ASIC2: variants seen among roughly 807,000 people sequenced by gnomAD.
ASIC2 encodes acid-sensing ion channel 2.
Under a neutral mutation model 57.3 loss-of-function variants are expected in ASIC2, and 25 were observed. The ratio of observed to expected loss-of-function variants is 0.44; its 90% CI spans 0.32 to 0.61. The LOEUF (loss-of-function observed/expected upper bound fraction) is 0.61. Among genes scored for constraint, ASIC2 ranks in the 20% least tolerant of loss-of-function variants. The pLI, the probability that ASIC2 is intolerant of heterozygous loss-of-function variation, is 0.06. For synonymous variants in ASIC2, 319 were observed against 307.5 expected (o/e 1.04, Z -0.39); for missense variants, 641 against 738.1 (o/e 0.87, Z 1.52).
intron 3 of ASIC2, among the ~76,000 whole-genome samples, chr17:33,042,210 G>C (rs1422214149): frequency 1.3e-5 from 2 of 152,198 alleles, no homozygotes; most frequent in Non-Finnish European, 1.5e-5. Flanking sequence ...TCTCAGGGGA[G>C]ACATGTCCTT....
chr17:33,555,058 G>T (rs62057811), intron 1 of ASIC2, among the ~76,000 whole-genome samples: 30,052 of 152,064 alleles, frequency 0.2, 3,046 homozygotes, highest in South Asian at 0.33. Flanking sequence ...ATCCAGATCT[G>T]TCTGGCTCCA....
intron 1 of ASIC2, among the ~76,000 whole-genome samples, chr17:33,130,438 A>C (rs1201016047): frequency 2.0e-5 from 3 of 152,220 alleles, no homozygotes; most frequent in Non-Finnish European, 4.4e-5. Context: ...ATATGTTTAA[A>C]TATTTTTCAT....
At chr17:33,403,980 T>C (rs1177805571) in intron 1 of ASIC2, among the ~76,000 whole-genome samples, 1 of 152,230 alleles carries the variant, frequency 6.6e-6, no homozygotes, top group Non-Finnish European at 1.5e-5. Context: ...ATTTCTAGCT[T>C]AGTGCAATGC....
intron 1 of ASIC2, among the ~76,000 whole-genome samples, chr17:33,417,459 A>C (rs767088935): frequency 2.0e-5 from 3 of 152,200 alleles, no homozygotes; most frequent in Non-Finnish European, 2.9e-5. Context: ...TACCCGGGAA[A>C]CACACAGAAT....
chr17:33,268,187 A>T (rs990309060), intron 1 of ASIC2, among the ~76,000 whole-genome samples: 12 of 152,060 alleles, frequency 7.9e-5, no homozygotes, highest in African/African-American at 2.7e-4. Flanking sequence ...CTCATTTTCC[A>T]GCCTTTCTAT....
chr17:33,384,707 T>C (rs1300817331), intron 1 of ASIC2, among the ~76,000 whole-genome samples: 1 of 152,088 alleles, frequency 6.6e-6, no homozygotes, highest in African/African-American at 2.4e-5. Flanking sequence ...TGTGCTCAGA[T>C]AGAATTCTTT....
chr17:33,426,425 G>C (rs568768009), intron 1 of ASIC2, among the ~76,000 whole-genome samples: 4 of 152,310 alleles, frequency 2.6e-5, no homozygotes, highest in Non-Finnish European at 5.9e-5. Context: ...ATCCCTTTCT[G>C]GGGCTGAGGC....
At chr17:33,536,644 C>G (rs764759486) in intron 1 of ASIC2, among the ~76,000 whole-genome samples, 19 of 152,202 alleles carry the variant, frequency 1.2e-4, no homozygotes, top group Non-Finnish European at 2.6e-4. Context: ...AGGCTCCTAA[C>G]TGGTCTTCCT....
intron 1 of ASIC2, chr17:34,070,016 T>G (rs16969124): frequency 2.0e-5 from 3 of 151,998 alleles, no homozygotes; most frequent in Admixed American, 6.6e-5. Context: ...ATAGTAGGTA[T>G]ACTGGCTGAG....
chr17:33,437,291 A>T (rs1254509020), intron 1 of ASIC2, among the ~76,000 whole-genome samples: 1 of 152,186 alleles, frequency 6.6e-6, no homozygotes, highest in Non-Finnish European at 1.5e-5. Context: ...GGACCACAAC[A>T]TACCAACATT....
At chr17:33,453,031 G>T (rs1224787121) in intron 1 of ASIC2, among the ~76,000 whole-genome samples, 1 of 152,114 alleles carries the variant, frequency 6.6e-6, no homozygotes, top group African/African-American at 2.4e-5. Flanking sequence ...AATGTTGTTA[G>T]CACCCTTTCA....
chr17:33,604,897 T>C lies in ASIC2; in HGVS notation c.556-492830A>G, dbSNP rs186991363. 1.8e-4 allele frequency among the ~76,000 whole-genome samples: 28 copies of C among 152,250 alleles called. 1 individual carries two copies. The highest frequency in any genetic ancestry group is 8.8e-5 in the Non-Finnish European group (6 of 68,018). On this transcript the variant is annotated intron_variant, in intron 1 of 9. Coordinates refer to the ASIC2 transcript ENST00000359872. ...GGCTCAGAAGGAGGAATTAGGATGTTTCCAAAGTCACAAAGCTAGTTAGAA... is the reference window on the plus strand; with the variant it reads ...GGCTCAGAAGGAGGAATTAGGATGTCTCCAAAGTCACAAAGCTAGTTAGAA...
At chr17:33,668,184 T>C (rs1359313068) in intron 1 of ASIC2, among the ~76,000 whole-genome samples, 4 of 151,218 alleles carry the variant, frequency 2.6e-5, no homozygotes, top group African/African-American at 9.7e-5. Context: ...TCCCCCTGCC[T>C]GGAGAGAAGG....
intron 1 of ASIC2, among the ~76,000 whole-genome samples, chr17:33,571,614 T>C (rs1341920813): frequency 6.6e-6 from 1 of 152,220 alleles, no homozygotes; most frequent in African/African-American, 2.4e-5. Flanking sequence ...TGAAATGCTA[T>C]GAAGGTTGTG....
chr17:33,237,475 C>T (rs1316399294), intron 1 of ASIC2, among the ~76,000 whole-genome samples: 1 of 152,058 alleles, frequency 6.6e-6, no homozygotes, highest in Non-Finnish European at 1.5e-5. Context: ...CTCAGCTTCC[C>T]AAGTAGCTGG....
chr17:33,326,218 A>G (rs755419596), intron 1 of ASIC2, among the ~76,000 whole-genome samples: 4 of 152,202 alleles, frequency 2.6e-5, no homozygotes, highest in Non-Finnish European at 5.9e-5. Context: ...GTAAAACCCT[A>G]TGAGGTAAAC....
chr17:33,242,935 T>G (rs1232105213), intron 1 of ASIC2, among the ~76,000 whole-genome samples: 1 of 152,172 alleles, frequency 6.6e-6, no homozygotes, highest in Non-Finnish European at 1.5e-5. Flanking sequence ...ACACCCTCAC[T>G]CCTGCACACC....
At chr17:33,203,510 C>T (rs1006633234) in intron 1 of ASIC2, among the ~76,000 whole-genome samples, 2 of 152,210 alleles carry the variant, frequency 1.3e-5, no homozygotes, top group African/African-American at 4.8e-5. Flanking sequence ...AGGGAACTTC[C>T]TCCAGCACTT....
At chr17:33,657,404 G>T (rs1476703563) in intron 1 of ASIC2, among the ~76,000 whole-genome samples, 1 of 152,186 alleles carries the variant, frequency 6.6e-6, no homozygotes, top group Non-Finnish European at 1.5e-5. Context: ...AGGCAGCTGG[G>T]ACTGGCCGAC....
Sources: allele counts gnomAD v4.1 joint callset (sites outside exome capture counted in the v4.1 genomes callset), GRCh38; gene constraint gnomAD v4.1.1; transcripts MANE v1.5; gene names NCBI Gene and HGNC (gene_info 2026-07-23, HGNC 2026-07-21).